ARIH1: variants seen among roughly 807,000 people sequenced by gnomAD.
ARIH1 encodes ariadne RBR E3 ubiquitin protein ligase 1.
In ARIH1, 8 loss-of-function variants were observed where a neutral mutation model predicts 85.0. The ratio of observed to expected loss-of-function variants is 0.09; its 90% confidence interval spans 0.06 to 0.17. ARIH1 has a LOEUF of 0.17. Among genes scored for constraint, ARIH1 ranks in the 10% least tolerant of loss-of-function variants. The pLI is 1.00. For missense variants in ARIH1, 311 were observed against 718.1 expected, an observed-to-expected ratio of 0.43 and a Z score of 6.48; for synonymous variants, 238 against 253.6, an observed-to-expected ratio of 0.94 and a Z score of 0.59.
Position 72,486,694 on chromosome 15 carries a change from C to CTTTT in ARIH1, c.375+11698_375+11701dup, listed in dbSNP as rs34770375. Among the ~76,000 whole-genome samples, 216 of 92,860 alleles carry CTTTT rather than the reference C, an allele frequency of 2.3e-3. 1 individual carries two copies. Among genetic ancestry groups the CTTTT allele is most frequent in the Non-Finnish European group, 3.3e-3 (174 of 52,746 alleles). 60.9% of individuals were successfully genotyped at this position (92,860 alleles called of 152,430 possible). A position where few individuals can be genotyped will look rare whatever the true frequency, so the allele number is the denominator to read the frequency against. On this transcript the variant is annotated intron_variant, in intron 1 of 13. Coordinates refer to ENST00000379887, the MANE Select transcript of ARIH1 (RefSeq NM_005744.5). Reference sequence around the variant, plus strand: ...TTTTTTTTTTCATTTTTAAAAATGACTTTTTTTTTTTTTTTTTTTTTGAGA... The same window carrying CTTTT: ...TTTTTTTTTTCATTTTTAAAAATGACTTTTTTTTTTTTTTTTTTTTTTTTTGAGA...
chr15:72,557,117 T>C (rs1443606031), intron 5 of ARIH1, among the ~76,000 whole-genome samples: 1 of 152,142 alleles, frequency 6.6e-6, no homozygotes, highest in Non-Finnish European at 1.5e-5. Context: ...AATTATTTTT[T>C]GTTTAATTTT....
In ARIH1 at chr15:72,584,201, TGATCAGG is replaced by T. The variant is rs1168243254; in HGVS notation, c.*912_*918del. 1.3e-5 allele frequency: 2 copies of T among 152,182 alleles called. No individual in the cohort carries two copies. Among genetic ancestry groups the T allele is most frequent in the East Asian group, 3.9e-4 (2 of 5,182 alleles). 9.4% of individuals were successfully genotyped at this position (152,182 alleles called of 1,614,324 possible). ...GCCTCATGCCTTGAATTCCTGCTCT[TGATCAGG>T]GACAAGGGAGGTCAAGCTCTGACTA... On this transcript the variant is annotated 3_prime_UTR_variant, in exon 14 of 14. Coordinates refer to ENST00000379887, the MANE Select transcript of ARIH1 (RefSeq NM_005744.5).
chr15:72,560,544 A>G (rs1185305757), intron 5 of ARIH1, among the ~76,000 whole-genome samples: 1 of 152,236 alleles, frequency 6.6e-6, no homozygotes, highest in Non-Finnish European at 1.5e-5. Context: ...CTGGCATTCA[A>G]ACCTAGGCTG....
intron 5 of ARIH1, among the ~76,000 whole-genome samples, chr15:72,559,271 T>G (rs1024530132): frequency 1.3e-5 from 2 of 152,024 alleles, no homozygotes; most frequent in Non-Finnish European, 2.9e-5. Context: ...GTTTTTTTTG[T>G]TTTTTGTTTT....
chr15:72,545,853 A>G (rs1219372703), intron 3 of ARIH1, among the ~76,000 whole-genome samples: 4 of 152,190 alleles, frequency 2.6e-5, no homozygotes, highest in Non-Finnish European at 5.9e-5. Context: ...AATTTACTGA[A>G]CTGAGATGAT....
intron 3 of ARIH1, among the ~76,000 whole-genome samples, chr15:72,546,457 G>A (rs79442293): frequency 0.03 from 4,569 of 152,172 alleles, 113 homozygotes; most frequent in East Asian, 0.11. Context: ...TGGCTTTAGC[G>A]GGAGGTAAGC....
At chr15:72,558,394 C>T (rs1312762568) in intron 5 of ARIH1, among the ~76,000 whole-genome samples, 5 of 152,108 alleles carry the variant, frequency 3.3e-5, no homozygotes, top group African/African-American at 1.2e-4. Flanking sequence ...CTCTGCCTCC[C>T]GGGTTCAAGC....
At position 72,587,902 on chromosome 15, in the gene ARIH1, C is replaced by T. The variant is rs917539363; in HGVS notation, c.*4610C>T. On this transcript the variant is annotated 3_prime_UTR_variant, in exon 14 of 14. Transcript: ENST00000379887. Reference sequence around the variant, plus strand: ...CAACTATTGTTGACCTTTCTCTAGGCGGTAGCATTTAGGATGGGAAAAAAT... The same window carrying T: ...CAACTATTGTTGACCTTTCTCTAGGTGGTAGCATTTAGGATGGGAAAAAAT... 2 of 152,020 alleles carry T rather than the reference C, an allele frequency of 1.3e-5. No homozygotes were observed. Among genetic ancestry groups the T allele is most frequent in the Admixed American group, 6.6e-5 (1 of 15,266 alleles). 9.4% of individuals were successfully genotyped at this position (152,020 alleles called of 1,614,324 possible). A position where few individuals can be genotyped will look rare whatever the true frequency, so the allele number is the denominator to read the frequency against.
At position 72,555,155 on chromosome 15, in the gene ARIH1, A is replaced by G. The variant is rs2064169665; in HGVS notation, c.589-116A>G. The G allele has an allele frequency of 5.7e-6, 4 of 696,302 alleles. No individual in the cohort carries two copies. The African/African-American group carries it at 7.2e-5, about 13-fold the overall frequency. The allele number at this position is 696,302 out of a possible 1,614,324, so 43.1% of individuals were successfully genotyped here. On this transcript the variant is annotated intron_variant, in intron 3 of 13. Transcript: ENST00000379887. ...CATTTTAGGAGCCCATCTATTGTCAAATTGGACATTTTAGCCACGTAAGAA... is the reference window on the plus strand; with the variant it reads ...CATTTTAGGAGCCCATCTATTGTCAGATTGGACATTTTAGCCACGTAAGAA...
In ARIH1 at chr15:72,566,688, TTATC is replaced by T. The variant is rs1392096256; in HGVS notation, c.954+91_954+94del. 43 of 1,233,148 alleles carry T rather than the reference TTATC, an allele frequency of 3.5e-5. No homozygotes were observed. In the East Asian group the frequency reaches 4.5e-4, roughly 13 times the overall value. 76.4% of individuals were successfully genotyped at this position (1,233,148 alleles called of 1,614,324 possible). On this transcript the variant is annotated intron_variant, in intron 8 of 13. Coordinates refer to ENST00000379887, the MANE Select transcript of ARIH1 (RefSeq NM_005744.5). ...CTAAAAATCATAGCTGATGATTTTG[TTATC>T]TATCTATTGATAGATTTTTTTTTAT...
At chr15:72,555,730 G>A in intron 4 of ARIH1, 122 bp from the exon 5 acceptor site, 1 of 783,950 alleles carries the variant, frequency 1.3e-6, no homozygotes, top group East Asian at 2.6e-5. Flanking sequence ...TAAGGAGAAA[G>A]GGAAGGATTG....
At chr15:72,498,782 G>A (rs998534822) in intron 1 of ARIH1, among the ~76,000 whole-genome samples, 1 of 151,582 alleles carries the variant, frequency 6.6e-6, no homozygotes, top group African/African-American at 2.4e-5. Flanking sequence ...GGAGGTTGCA[G>A]GGAGCCAAGA....
chr15:72,552,063 A>G (rs1334813628), intron 3 of ARIH1, among the ~76,000 whole-genome samples: 1 of 152,158 alleles, frequency 6.6e-6, no homozygotes, highest in South Asian at 2.1e-4. Context: ...GATGATAGCT[A>G]TTAGATTGTA....
chr15:72,527,093 A>G (rs957304307), intron 2 of ARIH1, among the ~76,000 whole-genome samples: 4 of 151,982 alleles, frequency 2.6e-5, no homozygotes, highest in African/African-American at 9.7e-5. Context: ...CATATCTTGA[A>G]CCTTTTCCTC....
chr15:72,545,204 C>G (rs775705634), intron 3 of ARIH1, among the ~76,000 whole-genome samples: 3 of 152,070 alleles, frequency 2.0e-5, no homozygotes, highest in Admixed American at 6.6e-5. Flanking sequence ...ATTTATAGAC[C>G]TAAATCTTTC....
In ARIH1 at chr15:72,592,317, A is replaced by T. The variant is rs2064346444; in HGVS notation, c.*9025A>T. The T allele has an allele frequency of 6.6e-6, 1 of 152,254 alleles. No homozygotes were observed. The highest frequency in any genetic ancestry group is 1.5e-5 in the Non-Finnish European group (1 of 68,044). The allele number at this position is 152,254 out of a possible 1,614,324, so 9.4% of individuals were successfully genotyped here. On this transcript the variant is annotated 3_prime_UTR_variant, in exon 14 of 14. Coordinates refer to ENST00000379887, the MANE Select transcript of ARIH1 (RefSeq NM_005744.5). ...TAATCAAGGGCCTGGCCCTGAATAG[A>T]TTGGAGCCCAAAAATCTCACTGAAG...
intron 2 of ARIH1, among the ~76,000 whole-genome samples, chr15:72,525,143 A>G (rs1349255741): frequency 6.6e-6 from 1 of 152,192 alleles, no homozygotes. Context: ...TGCCCGCCTC[A>G]GCCTCCCAGA....
chr15:72,546,420 C>G (rs566929877), intron 3 of ARIH1, among the ~76,000 whole-genome samples: 62 of 152,294 alleles, frequency 4.1e-4, no homozygotes, highest in African/African-American at 1.2e-3. Flanking sequence ...TTCTCAAGTT[C>G]TGATCGTAAC....
chr15:72,563,060 G>A (rs542714600), intron 6 of ARIH1, among the ~76,000 whole-genome samples: 22 of 152,278 alleles, frequency 1.4e-4, no homozygotes, highest in African/African-American at 5.3e-4. Context: ...TTAATTTGCT[G>A]TCTTTTTTTG....
Sources: allele counts gnomAD v4.1 joint callset (sites outside exome capture counted in the v4.1 genomes callset), GRCh38; gene constraint gnomAD v4.1.1; transcripts MANE v1.5; gene names NCBI Gene and HGNC (gene_info 2026-07-23, HGNC 2026-07-21).